The following BCHE variants were observed in gnomAD, a reference collection of about 807,000 sequenced individuals.
BCHE encodes the protein cholinesterase.
Under a neutral mutation model 51.3 loss-of-function variants are expected in BCHE, and 48 were observed. That is an observed-to-expected ratio of 0.94 (90% CI 0.74 to 1.19). The LOEUF (loss-of-function observed/expected upper bound fraction) is 1.19, where lower values mean the gene tolerates loss of function less well. Among genes scored for constraint, BCHE ranks in the 50% most tolerant of loss-of-function variants. BCHE has a pLI of 0.00. For synonymous variants in BCHE, 251 were observed against 238.0 expected (o/e 1.05, Z -0.50); for missense variants, 847 against 708.2 (o/e 1.20, Z -2.23).
chr3:165,811,416 C>T (rs1449856326), intron 2 of BCHE, among the ~76,000 whole-genome samples: 1 of 100,456 alleles, frequency 1.0e-5, no homozygotes, highest in Admixed American at 1.2e-4. Flanking sequence ...TGTAGATGTG[C>T]CTAAGAGAGC....
At position 165,830,785 on chromosome 3, in the gene BCHE, A is replaced by C; in HGVS notation, c.249T>G (p.Ile83Met). Residue 83 changes from isoleucine (I) to methionine (M), a missense_variant, in exon 2 of 4, where the codon ATT (isoleucine) becomes ATG (methionine). By Grantham distance (10) the Ile-to-Met change is conservative (BLOSUM62 1). Transcript: ENST00000264381. Reference protein sequence around the residue: ...KPQSLTKWSDIWNATKYANSC... With the variant: ...KPQSLTKWSDMWNATKYANSC... ...AATTTGCATATTTTGTGGCATTCCAAATATCAGACCACTTGGTCAGAGACT... is the reference window on the plus strand; with the variant it reads ...AATTTGCATATTTTGTGGCATTCCACATATCAGACCACTTGGTCAGAGACT... The C allele has an allele frequency of 1.9e-6, 3 of 1,613,716 alleles. No individual in the cohort carries two copies. Among genetic ancestry groups the C allele is most frequent in the Non-Finnish European group, 2.5e-6 (3 of 1,179,824 alleles).
At chr3:165,805,385 A>C (rs1713830668) in intron 2 of BCHE, among the ~76,000 whole-genome samples, 2 of 152,174 alleles carry the variant, frequency 1.3e-5, no homozygotes, top group Admixed American at 1.3e-4. Flanking sequence ...AGAAGAGTTG[A>C]GGGCTTTAGA....
intron 2 of BCHE, among the ~76,000 whole-genome samples, chr3:165,791,596 T>C (rs1251142163): frequency 6.6e-6 from 1 of 152,126 alleles, no homozygotes; most frequent in Non-Finnish European, 1.5e-5. Context: ...ACTGGAAGAA[T>C]GAATGTAGTT....
At position 165,813,095 on chromosome 3, in the gene BCHE, G is replaced by GA. The variant is rs1273736241; in HGVS notation, c.1517+16421dup. Among the ~76,000 whole-genome samples, 6 of 151,682 alleles carry GA rather than the reference G, an allele frequency of 4.0e-5. No homozygotes were observed. The South Asian group carries it at 1.2e-3, about 32-fold the overall frequency. On this transcript the variant is annotated intron_variant, in intron 2 of 3. Transcript: ENST00000264381. ...ATAATTGTTTAAAACTTTTTTACCA[G>GA]AAAAAATATCATAAAATTAGAGACT... is the stretch of plus-strand genomic sequence containing the variant.
In BCHE at chr3:165,829,931, T is replaced by C; in HGVS notation, c.1103A>G (p.Asp368Gly). Residue 368 changes from aspartate to glycine, a missense_variant, in exon 2 of 4, where the codon GAT becomes GGT. Coordinates refer to ENST00000264381, the MANE Select transcript of BCHE (RefSeq NM_000055.4). ...LVYGAPGFSK[D>G]NNSIITRKEF... is the part of the protein sequence containing the mutation. ...TTTTCTAGTTATGATACTATTGTTATCTTTGCTGAAGCCAGGAGCACCATA... is the reference window on the plus strand; with the variant it reads ...TTTTCTAGTTATGATACTATTGTTACCTTTGCTGAAGCCAGGAGCACCATA... 1 of 1,613,578 alleles carries C rather than the reference T, an allele frequency of 6.2e-7. No individual in the cohort carries two copies. Among genetic ancestry groups the C allele is most frequent in the Non-Finnish European group, 8.5e-7 (1 of 1,179,836 alleles).
At chr3:165,833,925 C>T (rs1407838376) in intron 1 of BCHE, among the ~76,000 whole-genome samples, 1 of 152,082 alleles carries the variant, frequency 6.6e-6, no homozygotes, top group African/African-American at 2.4e-5. Flanking sequence ...CTCCCTCTTG[C>T]CTAGCTCAGT....
rs538002730 is a variant in BCHE at position 165,805,793 on chromosome 3, C to T, written c.1518-19482G>A. Among the ~76,000 whole-genome samples the T allele has an allele frequency of 2.0e-4, 30 of 151,864 alleles. 1 individual carries two copies. The highest frequency in any genetic ancestry group is 1.8e-3 in the Admixed American group (27 of 15,242). Reference sequence around the variant, plus strand: ...CTTCTTCTTACTTTAATTTTCAGTCCGACATACGTTCTTAACTCATGAAAT... The same window carrying T: ...CTTCTTCTTACTTTAATTTTCAGTCTGACATACGTTCTTAACTCATGAAAT... On this transcript the variant is annotated intron_variant, in intron 2 of 3. Coordinates refer to ENST00000264381, the MANE Select transcript of BCHE (RefSeq NM_000055.4).
chr3:165,778,990 A>G (rs1036302628), intron 3 of BCHE, among the ~76,000 whole-genome samples: 1 of 152,102 alleles, frequency 6.6e-6, no homozygotes, highest in Admixed American at 6.6e-5. Context: ...ATTTTCATTA[A>G]TAAACATTTT....
intron 2 of BCHE, among the ~76,000 whole-genome samples, chr3:165,806,802 A>G (rs1713883353): frequency 6.6e-6 from 1 of 152,066 alleles, no homozygotes; most frequent in African/African-American, 2.4e-5. Flanking sequence ...TATTATTCTA[A>G]TTGTTTAATG....
chr3:165,826,162 GA>G (rs1051142267), intron 2 of BCHE, among the ~76,000 whole-genome samples: 18 of 151,730 alleles, frequency 1.2e-4, no homozygotes, highest in Admixed American at 5.9e-4. Context: ...CAAAATAAGA[GA>G]AAAAAAACAT....
intron 2 of BCHE, among the ~76,000 whole-genome samples, chr3:165,788,516 TTTTC>T (rs1264048056): frequency 1.3e-5 from 2 of 152,062 alleles, no homozygotes; most frequent in African/African-American, 4.8e-5. Context: ...ATGTAGTCTT[TTTTC>T]TTTCTTTTAA....
chr3:165,814,511 T>C (rs1260900329), intron 2 of BCHE, among the ~76,000 whole-genome samples: 1 of 152,120 alleles, frequency 6.6e-6, no homozygotes, highest in Non-Finnish European at 1.5e-5. Flanking sequence ...TAATACTTAC[T>C]GGAAACCTGA....
At chr3:165,823,935 T>G (rs1474112218) in intron 2 of BCHE, among the ~76,000 whole-genome samples, 1 of 4,208 alleles carries the variant, frequency 2.4e-4, no homozygotes. Flanking sequence ...CCCAACCAAC[T>G]TTTTTTTTTT....
intron 2 of BCHE, among the ~76,000 whole-genome samples, chr3:165,827,229 A>G (rs1714754643): frequency 6.6e-6 from 1 of 152,044 alleles, no homozygotes; most frequent in East Asian, 1.9e-4. Context: ...TCAACCCTTA[A>G]CACAAATATA....
intron 2 of BCHE, among the ~76,000 whole-genome samples, chr3:165,805,876 C>T (rs1713847608): frequency 6.6e-6 from 1 of 152,076 alleles, no homozygotes; most frequent in Non-Finnish European, 1.5e-5. Context: ...TTCCTTTCTT[C>T]TCACACACTC....
At position 165,781,166 on chromosome 3, in the gene BCHE, G is replaced by A. The variant is rs190709259; in HGVS notation, c.1684+4979C>T. Among the ~76,000 whole-genome samples the A allele has an allele frequency of 2.1e-3, 324 of 152,140 alleles. 1 individual carries two copies. Among genetic ancestry groups the A allele is most frequent in the African/African-American group, 7.0e-3 (292 of 41,524 alleles). ...CTCAGGAGGCTGAGGCAGGAACATC[G>A]CTTGAACCCAGGAAATGGAGGTTGT... is the stretch of plus-strand genomic sequence containing the variant. On this transcript the variant is annotated intron_variant, in intron 3 of 3. Coordinates refer to ENST00000264381, the MANE Select transcript of BCHE (RefSeq NM_000055.4).
At chr3:165,834,213 CACTTA>C (rs5854164) in intron 1 of BCHE, among the ~76,000 whole-genome samples, 115,391 of 151,236 alleles carry the variant, frequency 0.76, 44,564 homozygotes, top group Admixed American at 0.83. Context: ...CTTCCCATGT[CACTTA>C]ACTTGATTTA....
At chr3:165,777,609 G>T in intron 3 of BCHE, 1 of 268,136 alleles carries the variant, frequency 3.7e-6, no homozygotes, top group Admixed American at 4.3e-5. Flanking sequence ...ATCTCTGTGT[G>T]CAGGGGCAAA....
At chr3:165,784,274 CTATT>C (rs1272793499) in intron 3 of BCHE, among the ~76,000 whole-genome samples, 2 of 151,892 alleles carry the variant, frequency 1.3e-5, no homozygotes, top group African/African-American at 2.4e-5. Flanking sequence ...TCTGTCCACA[CTATT>C]TATTTATAAA....
Sources: allele counts gnomAD v4.1 joint callset (sites outside exome capture counted in the v4.1 genomes callset), GRCh38; gene constraint gnomAD v4.1.1; transcripts MANE v1.5; gene names NCBI Gene and HGNC (gene_info 2026-07-23, HGNC 2026-07-21).